The following MYT1L variants were observed in gnomAD, a reference collection of about 807,000 sequenced individuals.
MYT1L encodes myelin transcription factor 1-like protein.
In MYT1L, 12 loss-of-function variants were observed where a neutral mutation model predicts 126.7. The ratio of observed to expected loss-of-function variants is 0.09; its 90% CI spans 0.06 to 0.15. MYT1L has a LOEUF of 0.15. Among genes scored for constraint, MYT1L ranks in the 10% least tolerant of loss-of-function variants. The probability of loss-of-function intolerance (pLI) is 1.00; values close to 1 mark genes in which losing one functional copy is unlikely to be tolerated. For missense variants in MYT1L, 979 were observed against 1,585.2 expected (o/e 0.62, Z 6.49); for synonymous variants, 541 against 604.2 (o/e 0.90, Z 1.53).
chr2:2,163,676 G>A lies in MYT1L; in HGVS notation c.-304+9196C>T, dbSNP rs149128438. Among the ~76,000 whole-genome samples, 103 of 151,470 alleles carry A rather than the reference G, an allele frequency of 6.8e-4. 2 individuals carry two copies. In the East Asian group the frequency reaches 0.019, roughly 27 times the overall value. Reference sequence around the variant, plus strand: ...GAACCCAGGAGGCGGGGCTTGCAGTGAGCCGATACTGAGATAGCGCCACTG... The same window carrying A: ...GAACCCAGGAGGCGGGGCTTGCAGTAAGCCGATACTGAGATAGCGCCACTG... On this transcript the variant is annotated intron_variant, in intron 3 of 24. Transcript: ENST00000647738.
At chr2:2,182,274 T>C (rs536238380) in intron 2 of MYT1L, among the ~76,000 whole-genome samples, 117 of 152,296 alleles carry the variant, frequency 7.7e-4, no homozygotes, top group African/African-American at 2.7e-3. Context: ...TCCAGATTGT[T>C]AGAACAGTAC....
intron 8 of MYT1L, among the ~76,000 whole-genome samples, chr2:1,955,012 C>A (rs115544242): frequency 1.3e-5 from 2 of 151,746 alleles, no homozygotes; most frequent in Admixed American, 6.6e-5. Flanking sequence ...GTTAGCCGGG[C>A]GTCGTGGCAT....
intron 3 of MYT1L, among the ~76,000 whole-genome samples, chr2:2,093,115 C>G (rs2077061639): frequency 6.6e-6 from 1 of 152,090 alleles, no homozygotes; most frequent in Non-Finnish European, 1.5e-5. Context: ...TTTATTTTTG[C>G]TACCTTCTTA....
chr2:1,856,050 T>C (rs1390273593), intron 18 of MYT1L, among the ~76,000 whole-genome samples: 1 of 152,150 alleles, frequency 6.6e-6, no homozygotes, highest in Non-Finnish European at 1.5e-5. Context: ...ACAGCCAACG[T>C]GCAGAATTCA....
rs543624205 is a variant in MYT1L, at chr2:2,231,533, C to T, written c.-421+52871G>A. Among the ~76,000 whole-genome samples, 8 of 152,152 alleles carry T rather than the reference C, an allele frequency of 5.3e-5. No homozygotes were observed. In the East Asian group the frequency reaches 9.7e-4, roughly 18 times the overall value. On this transcript the variant is annotated intron_variant, in intron 2 of 24. Coordinates refer to ENST00000647738, the MANE Select transcript of MYT1L (RefSeq NM_001303052.2). Reference sequence around the variant, plus strand: ...GCTCACTGTAACTTCCTGCAACTTCCACCTCCCAGGCTCAAGCAATCCTCC... The same window carrying T: ...GCTCACTGTAACTTCCTGCAACTTCTACCTCCCAGGCTCAAGCAATCCTCC...
intron 5 of MYT1L, among the ~76,000 whole-genome samples, chr2:1,983,164 T>C (rs960189861): frequency 6.6e-6 from 1 of 152,214 alleles, no homozygotes; most frequent in African/African-American, 2.4e-5. Flanking sequence ...GGTCAGACTC[T>C]CTGTTCCCTC....
chr2:2,062,405 G>A (rs1377584475), intron 3 of MYT1L, among the ~76,000 whole-genome samples: 4 of 152,122 alleles, frequency 2.6e-5, no homozygotes, highest in African/African-American at 9.7e-5. Flanking sequence ...AGCCGTCCGT[G>A]TCCTCCCATC....
intron 4 of MYT1L, among the ~76,000 whole-genome samples, chr2:2,006,246 TA>T (rs564938065): frequency 1.0e-3 from 156 of 152,148 alleles, no homozygotes; most frequent in Non-Finnish European, 1.4e-3. Context: ...TCCATTTCAT[TA>T]AAAAAAATGT....
intron 3 of MYT1L, among the ~76,000 whole-genome samples, chr2:2,116,588 G>C (rs2080235290): frequency 6.6e-6 from 1 of 152,248 alleles, no homozygotes; most frequent in South Asian, 2.1e-4. Flanking sequence ...GCCTTCTCCA[G>C]AATCTCTGCC....
chr2:2,294,483 C>A (rs2095643585), intron 1 of MYT1L, among the ~76,000 whole-genome samples: 1 of 152,154 alleles, frequency 6.6e-6, no homozygotes, highest in African/African-American at 2.4e-5. Flanking sequence ...TGCAGTTCAT[C>A]TGAGGCCAGG....
intron 18 of MYT1L, among the ~76,000 whole-genome samples, chr2:1,866,637 G>A (rs2045546293): frequency 1.2e-5 from 1 of 86,892 alleles, no homozygotes; most frequent in Non-Finnish European, 2.3e-5. Flanking sequence ...GGGAGAGGGA[G>A]GGAGAGAGAG....
rs567708910 is a variant in MYT1L, at chr2:2,059,767, T to C, written c.-303-5644A>G. 1.2e-3 allele frequency among the ~76,000 whole-genome samples: 178 copies of C among 152,314 alleles called. 1 individual carries two copies. The highest frequency in any genetic ancestry group is 5.4e-3 in the Admixed American group (82 of 15,302). On this transcript the variant is annotated intron_variant, in intron 3 of 24. Transcript: ENST00000647738. The surrounding 1 kb of genome is among the most constrained non-coding windows in gnomAD (Gnocchi z 4.7). ...CTCAGTACAGAGAAAAATTGTTCTA[T>C]AGATAAATAATTATAAACGGATGAC...
chr2:2,023,396 T>C (rs2065221598), intron 4 of MYT1L, among the ~76,000 whole-genome samples: 1 of 152,214 alleles, frequency 6.6e-6, no homozygotes, highest in Admixed American at 6.5e-5. Flanking sequence ...GATGGTCCTC[T>C]GGCTGGCCTG....
intron 2 of MYT1L, among the ~76,000 whole-genome samples, chr2:2,187,126 G>A (rs1407400544): frequency 1.3e-5 from 2 of 152,180 alleles, no homozygotes; most frequent in African/African-American, 2.4e-5. Flanking sequence ...TGACAGACAA[G>A]CAAATGTCAG....
At chr2:1,823,949 G>C (rs889130337) in intron 21 of MYT1L, among the ~76,000 whole-genome samples, 1 of 152,224 alleles carries the variant, frequency 6.6e-6, no homozygotes, top group Admixed American at 6.5e-5. Context: ...GCACAGTGTT[G>C]GCCTGGGCCT....
intron 2 of MYT1L, among the ~76,000 whole-genome samples, chr2:2,206,215 T>C (rs13010754): frequency 3.9e-4 from 60 of 152,262 alleles, no homozygotes; most frequent in South Asian, 1.2e-3. Context: ...CGATCTCAGA[T>C]GATCCACTGG....
In MYT1L at chr2:1,803,163, T is replaced by C. The variant is rs868745287; in HGVS notation, c.3173-1364A>G. ...TTTTAGTGAAACGAAAAAAAAGTTA[T>C]ACCCTCAAGATAAAAATACCCAATG... On this transcript the variant is annotated intron_variant, in intron 22 of 24. Coordinates refer to ENST00000647738, the MANE Select transcript of MYT1L (RefSeq NM_001303052.2). 4.6e-5 allele frequency among the ~76,000 whole-genome samples: 7 copies of C among 152,306 alleles called. 1 individual carries two copies. The Middle Eastern group carries it at 0.02, about 444-fold the overall frequency.
At chr2:1,972,786 G>A (rs2059906347) in intron 8 of MYT1L, among the ~76,000 whole-genome samples, 2 of 152,242 alleles carry the variant, frequency 1.3e-5, no homozygotes, top group Non-Finnish European at 2.9e-5. Flanking sequence ...GTCTGAGTGA[G>A]GGTGTGTGCC....
At chr2:1,976,453 C>T (rs2060194598) in intron 8 of MYT1L, among the ~76,000 whole-genome samples, 4 of 152,104 alleles carry the variant, frequency 2.6e-5, no homozygotes, top group Admixed American at 2.6e-4. Context: ...ACCAGCCTGG[C>T]CAATGTGGTG....
Sources: allele counts gnomAD v4.1 joint callset (sites outside exome capture counted in the v4.1 genomes callset), GRCh38; gene constraint gnomAD v4.1.1; non-coding constraint Gnocchi (gnomAD v3.1); transcripts MANE v1.5; gene names NCBI Gene and HGNC (gene_info 2026-07-23, HGNC 2026-07-21).